The following KLF12 variants were observed in gnomAD, a reference collection of about 807,000 sequenced individuals.
KLF12 encodes KLF transcription factor 12.
KLF12 carries 9 observed loss-of-function variants against 37.8 expected under a neutral mutation model. The ratio of observed to expected loss-of-function variants is 0.24; its 90% CI spans 0.14 to 0.42. KLF12 has a LOEUF of 0.42. KLF12 is among the 10% of genes least tolerant of loss of function. The probability of loss-of-function intolerance (pLI) is 1.00; values close to 1 mark genes in which losing one functional copy is unlikely to be tolerated. For synonymous variants in KLF12, 208 were observed against 202.1 expected, an observed-to-expected ratio of 1.03 and a Z score of -0.25; for missense variants, 411 against 516.0, an observed-to-expected ratio of 0.80 and a Z score of 1.97.
At chr13:73,995,130 TA>T in intron 1 of KLF12, 77 bp from the exon 2 acceptor site, 2 of 883,518 alleles carry the variant, frequency 2.3e-6, no homozygotes, top group Non-Finnish European at 3.7e-6. Context: ...GGGAAAAAAA[TA>T]CATCTTAATT....
In KLF12 at chr13:74,118,433, G is replaced by A. The variant is rs571875246; in HGVS notation, c.-32+15306C>T. Reference sequence around the variant, plus strand: ...TTACATTGTTAAATAAAATTCTTACGCATCAAAAACACAAAAAACTTTTTA... The same window carrying A: ...TTACATTGTTAAATAAAATTCTTACACATCAAAAACACAAAAAACTTTTTA... On this transcript the variant is annotated intron_variant, in intron 1 of 7. Transcript: ENST00000377669. Among the ~76,000 whole-genome samples, 7 of 152,030 alleles carry A rather than the reference G, an allele frequency of 4.6e-5. No homozygotes were observed. The South Asian group carries it at 1.2e-3, about 27-fold the overall frequency.
intron 1 of KLF12, among the ~76,000 whole-genome samples, chr13:74,032,832 C>G (rs916450896): frequency 6.6e-6 from 1 of 152,084 alleles, no homozygotes; most frequent in African/African-American, 2.4e-5. Context: ...TGATGGCTGA[C>G]CAATAAAAAG....
At chr13:74,060,502 G>GTGTC (rs1555336674) in intron 1 of KLF12, among the ~76,000 whole-genome samples, 3 of 150,088 alleles carry the variant, frequency 2.0e-5, no homozygotes, top group African/African-American at 7.4e-5. Flanking sequence ...GTGTGTGTGT[G>GTGTC]TGTGTGTGTG....
At chr13:73,777,684 G>C (rs997081605) in intron 5 of KLF12, among the ~76,000 whole-genome samples, 3 of 151,336 alleles carry the variant, frequency 2.0e-5, no homozygotes, top group Admixed American at 2.0e-4. Flanking sequence ...CTCCAGCCTG[G>C]GCAACAAGAA....
chr13:73,857,163 T>C (rs867350716), intron 3 of KLF12, among the ~76,000 whole-genome samples: 1 of 152,196 alleles, frequency 6.6e-6, no homozygotes, highest in Non-Finnish European at 1.5e-5. Context: ...ACAGTCTTTA[T>C]GTTTGAAAGA....
the KLF12 span, among the ~76,000 whole-genome samples, chr13:74,296,084 G>A: frequency 9.2e-5 from 14 of 151,690 alleles, no homozygotes; most frequent in South Asian, 2.1e-4. Flanking sequence ...CTCCCAAAGT[G>A]CTGGGATTAC....
chr13:73,736,964 G>A (rs1877508837), intron 6 of KLF12, among the ~76,000 whole-genome samples: 1 of 152,072 alleles, frequency 6.6e-6, no homozygotes, highest in Non-Finnish European at 1.5e-5. Context: ...TTAATTTGCA[G>A]CTCTCTTCAT....
rs561608042 is a variant in KLF12 at position 73,690,213 on chromosome 13, A to C, written c.*5277T>G. On this transcript the variant is annotated 3_prime_UTR_variant, in exon 8 of 8. Coordinates refer to ENST00000377669, the MANE Select transcript of KLF12 (RefSeq NM_007249.5). ...CTGTGTAAAAGTATAGGAATATCTC[A>C]TTGGTCATAAGGTTTACTGACAGGC... The C allele has an allele frequency of 1.3e-5, 2 of 152,660 alleles. No individual in the cohort carries two copies. Among genetic ancestry groups the C allele is most frequent in the East Asian group, 3.9e-4 (2 of 5,180 alleles). 9.5% of individuals were successfully genotyped at this position (152,660 alleles called of 1,614,324 possible).
the KLF12 span, among the ~76,000 whole-genome samples, chr13:74,212,744 G>C: frequency 4.5e-4 from 69 of 152,236 alleles, no homozygotes; most frequent in Non-Finnish European, 8.1e-4. Flanking sequence ...AAGGGAGTCA[G>C]GGAGCTATTA....
the KLF12 span, among the ~76,000 whole-genome samples, chr13:74,303,427 T>C: frequency 6.6e-6 from 1 of 152,140 alleles, no homozygotes; most frequent in East Asian, 1.9e-4. Context: ...TAACTTCTGT[T>C]TTCTTTGTAT....
chr13:74,273,998 C>CTA, the KLF12 span, among the ~76,000 whole-genome samples: 1 of 152,106 alleles, frequency 6.6e-6, no homozygotes. Flanking sequence ...AAATAGAAGA[C>CTA]TGGCACATGA....
chr13:74,016,914 A>G (rs910258013), intron 1 of KLF12, among the ~76,000 whole-genome samples: 1 of 152,164 alleles, frequency 6.6e-6, no homozygotes, highest in South Asian at 2.1e-4. Context: ...AAATCTGTGG[A>G]AGCTTTTTGA....
intron 2 of KLF12, among the ~76,000 whole-genome samples, chr13:73,969,746 A>G (rs535531774): frequency 1.3e-5 from 2 of 152,340 alleles, no homozygotes; most frequent in East Asian, 3.9e-4. Context: ...TTCAAGACAT[A>G]CATGGAAGAA....
chr13:74,254,318 G>C, the KLF12 span, among the ~76,000 whole-genome samples: 1 of 152,126 alleles, frequency 6.6e-6, no homozygotes, highest in Non-Finnish European at 1.5e-5. Flanking sequence ...GTAAGCAAGA[G>C]ATAACTCCAT....
Position 74,107,454 on chromosome 13 carries a change from A to G in KLF12, c.-32+26285T>C, listed in dbSNP as rs77623997. 3.2e-3 allele frequency among the ~76,000 whole-genome samples: 484 copies of G among 152,374 alleles called. 1 individual carries two copies. Among genetic ancestry groups the G allele is most frequent in the African/African-American group, 0.011 (464 of 41,584 alleles). ...TTCAAGGTAACAATATCTCTACAGA[A>G]ATAAAAGTAAAAAGGAAAGTTAACT... On this transcript the variant is annotated intron_variant, in intron 1 of 7. Transcript: ENST00000377669.
At chr13:73,858,726 C>T (rs1167506137) in intron 3 of KLF12, among the ~76,000 whole-genome samples, 1 of 152,076 alleles carries the variant, frequency 6.6e-6, no homozygotes, top group Non-Finnish European at 1.5e-5. Flanking sequence ...AATGAGATTT[C>T]CATCACTTTT....
At chr13:73,979,072 G>T (rs752919575) in intron 2 of KLF12, among the ~76,000 whole-genome samples, 2 of 152,158 alleles carry the variant, frequency 1.3e-5, no homozygotes, top group Non-Finnish European at 2.9e-5. Flanking sequence ...TGCTTTGTAT[G>T]AAACTATATC....
chr13:74,115,475 C>G (rs560973402), intron 1 of KLF12, among the ~76,000 whole-genome samples: 2 of 152,118 alleles, frequency 1.3e-5, no homozygotes, highest in Non-Finnish European at 2.9e-5. Context: ...GAGGCTGAAG[C>G]AGGTGGATCA....
the KLF12 span, among the ~76,000 whole-genome samples, chr13:74,188,761 C>G: frequency 6.6e-6 from 1 of 152,022 alleles, no homozygotes; most frequent in African/African-American, 2.4e-5. Flanking sequence ...TTTGGAAGGC[C>G]GAGGCAGGTG....
Sources: gnomAD v4.1 joint callset for allele counts (sites outside exome capture counted in the v4.1 genomes callset) on GRCh38, gnomAD v4.1.1 for gene constraint, MANE v1.5 for transcripts, NCBI Gene and HGNC (gene_info 2026-07-23, HGNC 2026-07-21) for gene names.